The following PRELP variants were observed in gnomAD, a reference collection of about 807,000 sequenced individuals.
PRELP encodes the protein prolargin.
In PRELP, 16 loss-of-function variants were observed where a neutral mutation model predicts 22.8. That is an observed-to-expected ratio of 0.70 (90% CI 0.47 to 1.06). The LOEUF (loss-of-function observed/expected upper bound fraction) is 1.06. Ranked by LOEUF, PRELP falls within the 50% of genes least tolerant of loss-of-function variation. The probability of loss-of-function intolerance (pLI) is 0.00; values close to 1 mark genes in which losing one functional copy is unlikely to be tolerated. For missense variants in PRELP, 434 were observed against 485.2 expected (o/e 0.89, Z 0.99); for synonymous variants, 233 against 211.4 (o/e 1.10, Z -0.89).
chr1:203,485,992 T>A (rs1244734856), intron 2 of PRELP, among the ~76,000 whole-genome samples: 1 of 152,152 alleles, frequency 6.6e-6, no homozygotes, highest in Non-Finnish European at 1.5e-5. Flanking sequence ...CTTTTGCCCA[T>A]CCTCATGTCT....
At chr1:203,480,380 G>A (rs1660979729) in intron 1 of PRELP, among the ~76,000 whole-genome samples, 1 of 152,234 alleles carries the variant, frequency 6.6e-6, no homozygotes, top group Non-Finnish European at 1.5e-5. Flanking sequence ...GGAATCTTAT[G>A]ATTGGACAGA....
intron 2 of PRELP, 96 bp downstream of exon 2, chr1:203,484,253 A>G (rs1263647824): frequency 1.3e-6 from 2 of 1,490,034 alleles, no homozygotes; most frequent in Non-Finnish European, 1.8e-6. Flanking sequence ...GGGTGGTATA[A>G]AAAGCATCCA....
In PRELP at chr1:203,483,610, C is replaced by T; in HGVS notation, c.426C>T (p.Asp142=). The T allele has an allele frequency of 6.2e-7, 1 of 1,614,206 alleles. No individual in the cohort carries two copies. The highest frequency in any genetic ancestry group is 8.5e-7 in the Non-Finnish European group (1 of 1,180,042). ...NLDNNRIRKI[D]QRVLEKLPGL... is the part of the protein sequence containing the mutation. ...ACAACAACCGAATCCGCAAGATAGA[C>T]CAGAGGGTGCTGGAGAAACTGCCCG... Residue 142 remains aspartate, a synonymous_variant, in exon 2 of 3, where the codon GAC becomes GAT. Transcript: ENST00000343110. This position sits in a 1 kb window ranked among gnomAD's most constrained non-coding sequence, Gnocchi z 4.4.
At chr1:203,478,392 G>A (rs913426215) in intron 1 of PRELP, among the ~76,000 whole-genome samples, 3 of 152,154 alleles carry the variant, frequency 2.0e-5, no homozygotes, top group Non-Finnish European at 4.4e-5. Flanking sequence ...CTTCCCCACC[G>A]CTCAGAATGG....
intron 1 of PRELP, among the ~76,000 whole-genome samples, chr1:203,476,599 C>G (rs144334360): frequency 6.6e-6 from 1 of 152,106 alleles, no homozygotes; most frequent in African/African-American, 2.4e-5. Context: ...CAAGTCCAGG[C>G]CGAATAGGGA....
chr1:203,483,994 C>A lies in PRELP; in HGVS notation c.810C>A (p.Phe270Leu), dbSNP rs1369885179. 1 of 1,614,236 alleles carries A rather than the reference C, an allele frequency of 6.2e-7. No homozygotes were observed. Residue 270 changes from phenylalanine to leucine, a missense_variant, in exon 2 of 3, where the codon TTC becomes TTA. Physicochemically the swap from Phe to Leu is conservative, Grantham distance 22. Transcript: ENST00000343110. The surrounding 1 kb of genome is among the most constrained non-coding windows in gnomAD (Gnocchi z 4.4). ...TCAAGAGCTTTCCCAATCTTGCCTT[C>A]ATTCGGCTTAACTACAACAAGCTGA... ...GYFKSFPNLAFIRLNYNKLTD... is the reference protein window; with the variant it reads ...GYFKSFPNLALIRLNYNKLTD...
Position 203,488,966 on chromosome 1 carries a change from C to T in PRELP, c.*2085C>T, listed in dbSNP as rs1329823559. ...CTGGGTCCCTAACTTCAAGAAATTC[C>T]CATTATGCTCCTTCTCACCTTTCTT... is the stretch of plus-strand genomic sequence containing the variant. On this transcript the variant is annotated 3_prime_UTR_variant, in exon 3 of 3. Transcript: ENST00000343110. 1 of 152,376 alleles carries T rather than the reference C, an allele frequency of 6.6e-6. No homozygotes were observed. Among genetic ancestry groups the T allele is most frequent in the East Asian group, 1.9e-4 (1 of 5,200 alleles). The allele number at this position is 152,376 out of a possible 1,614,324, so 9.4% of individuals were successfully genotyped here.
Position 203,490,746 on chromosome 1 carries a change from G to T in PRELP, c.*3865G>T, listed in dbSNP as rs1047737904. The T allele has an allele frequency of 2.0e-5, 3 of 152,218 alleles. No individual in the cohort carries two copies. The South Asian group carries it at 6.2e-4, about 31-fold the overall frequency. The allele number at this position is 152,218 out of a possible 1,614,324, so 9.4% of individuals were successfully genotyped here. ...CTCCCAGGCTACACCATCTTCTTTA[G>T]AATGAGAACTGCCAGGTGACGCCCT... On this transcript the variant is annotated 3_prime_UTR_variant, in exon 3 of 3. Transcript: ENST00000343110.
chr1:203,488,128 G>A lies in PRELP; in HGVS notation c.*1247G>A, dbSNP rs1661130146. ...CAGGCTGGGCTCATTCCCATCGTGA[G>A]TGAGCCCAGGTGAGGACATAGTCGG... On this transcript the variant is annotated 3_prime_UTR_variant, in exon 3 of 3. Transcript: ENST00000343110. 6.6e-6 allele frequency: 1 copy of A among 152,270 alleles called. No individual in the cohort carries two copies. Among genetic ancestry groups the A allele is most frequent in the African/African-American group, 2.4e-5 (1 of 41,450 alleles). The allele number at this position is 152,270 out of a possible 1,614,324, so 9.4% of individuals were successfully genotyped here.
intron 1 of PRELP, among the ~76,000 whole-genome samples, chr1:203,482,422 GTGTCCAACACCA>G (rs1661016636): frequency 6.6e-6 from 1 of 150,818 alleles, no homozygotes; most frequent in African/African-American, 2.4e-5. Flanking sequence ...GAGATTACAG[GTGTCCAACACCA>G]CACCCTGCTA....
In PRELP at chr1:203,486,771, G is replaced by A. The variant is rs747659464; in HGVS notation, c.1039G>A (p.Glu347Lys). Residue 347 changes from glutamate to lysine, a missense_variant, in exon 3 of 3, where the codon GAG (glutamate) becomes AAG (lysine). Glu to Lys is a moderately conservative substitution (Grantham distance 56). Transcript: ENST00000343110. ...VAFHDFSSDL[E>K]NVPHLRYLRL... ...GTTCCATGACTTCTCCTCGGACCTGGAGAACGTGCCACACCTGCGCTACCT... is the reference window on the plus strand; with the variant it reads ...GTTCCATGACTTCTCCTCGGACCTGAAGAACGTGCCACACCTGCGCTACCT... 33 of 1,614,140 alleles carry A rather than the reference G, an allele frequency of 2.0e-5. No individual in the cohort carries two copies. In the South Asian group the frequency reaches 3.5e-4, roughly 17 times the overall value.
rs748548856 is a variant in PRELP at position 203,490,779 on chromosome 1, C to T, written c.*3898C>T. 3 of 152,220 alleles carry T rather than the reference C, an allele frequency of 2.0e-5. No homozygotes were observed. The highest frequency in any genetic ancestry group is 2.9e-5 in the Non-Finnish European group (2 of 68,038). 9.4% of individuals were successfully genotyped at this position (152,220 alleles called of 1,614,324 possible). ...ACTGCCAGGTGACGCCCTCGCTGCT[C>T]CTACCTGGCTACTAAACATCGACTT... is the stretch of plus-strand genomic sequence containing the variant. On this transcript the variant is annotated 3_prime_UTR_variant, in exon 3 of 3. Coordinates refer to ENST00000343110, the MANE Select transcript of PRELP (RefSeq NM_002725.4).
At position 203,486,694 on chromosome 1, in the gene PRELP, CTTT is replaced by C. The variant is rs771283240; in HGVS notation, c.974-9_974-7del. 6.2e-7 allele frequency: 1 copy of C among 1,605,252 alleles called. No individual in the cohort carries two copies. Among genetic ancestry groups the C allele is most frequent in the Non-Finnish European group, 8.5e-7 (1 of 1,172,438 alleles). Reference sequence around the variant, plus strand: ...CCACTCCCTTCTGATTTCTCGTCTTCTTTTTCCGTAGAAATCAACGGAACCCAG... The same window carrying C: ...CCACTCCCTTCTGATTTCTCGTCTTCTTCCGTAGAAATCAACGGAACCCAG... On this transcript the variant is annotated splice_polypyrimidine_tract_variant and intron_variant, in intron 2 of 2. Transcript: ENST00000343110.
At position 203,479,501 on chromosome 1, in the gene PRELP, G is replaced by C. The variant is rs561105604; in HGVS notation, c.-17+3563G>C. ...ACAGATCACTTGAGCTCAGGGGTTG[G>C]AGACCAGCCTGGGCAACATGGTAAA... is the stretch of plus-strand genomic sequence containing the variant. On this transcript the variant is annotated intron_variant, in intron 1 of 2. Coordinates refer to ENST00000343110, the MANE Select transcript of PRELP (RefSeq NM_002725.4). Among the ~76,000 whole-genome samples, 21 of 152,062 alleles carry C rather than the reference G, an allele frequency of 1.4e-4. No homozygotes were observed. The South Asian group carries it at 4.4e-3, about 32-fold the overall frequency.
intron 1 of PRELP, among the ~76,000 whole-genome samples, chr1:203,478,988 C>A (rs1225440504): frequency 6.6e-6 from 1 of 152,088 alleles, no homozygotes; most frequent in Non-Finnish European, 1.5e-5. Flanking sequence ...TTTCAGACAC[C>A]TAGGTTGAGA....
At position 203,483,959 on chromosome 1, in the gene PRELP, A is replaced by G; in HGVS notation, c.775A>G (p.Asn259Asp). 6.2e-7 allele frequency: 1 copy of G among 1,614,188 alleles called. No homozygotes were observed. Among genetic ancestry groups the G allele is most frequent in the Non-Finnish European group, 8.5e-7 (1 of 1,180,044 alleles). ...LDSNKIETIP[N>D]GYFKSFPNLA... is the part of the protein sequence containing the mutation. ...CAGTAACAAGATTGAGACCATCCCT[A>G]ACGGATACTTCAAGAGCTTTCCCAA... Residue 259 changes from asparagine to aspartate, a missense_variant, in exon 2 of 3, where the codon AAC becomes GAC. Transcript: ENST00000343110. This position sits in a 1 kb window ranked among gnomAD's most constrained non-coding sequence, Gnocchi z 4.4.
intron 1 of PRELP, among the ~76,000 whole-genome samples, chr1:203,479,135 G>A (rs534890895): frequency 6.6e-6 from 1 of 152,220 alleles, no homozygotes; most frequent in South Asian, 2.1e-4. Context: ...AATTAGACAG[G>A]AGATCTGACA....
chr1:203,485,614 A>G (rs1661081381), intron 2 of PRELP, among the ~76,000 whole-genome samples: 1 of 152,220 alleles, frequency 6.6e-6, no homozygotes. Context: ...ACTCAGCATG[A>G]GGGTGGCTAG....
chr1:203,479,706 CAAAAAAAAAAAAAA>C (rs397844598), intron 1 of PRELP, among the ~76,000 whole-genome samples: 3 of 52,490 alleles, frequency 5.7e-5, no homozygotes, highest in Non-Finnish European at 6.9e-5. Context: ...CCTGTATCAC[CAAAAAAAAAAAAAA>C]AAAAAAAAAA....
Sources: gnomAD v4.1 joint callset for allele counts (sites outside exome capture counted in the v4.1 genomes callset) on GRCh38, gnomAD v4.1.1 for gene constraint, Gnocchi (gnomAD v3.1) non-coding constraint, MANE v1.5 for transcripts, NCBI Gene and HGNC (gene_info 2026-07-23, HGNC 2026-07-21) for gene names.